Variants in COL5A1 observed in about 807,000 individuals in gnomAD.
COL5A1 encodes the protein collagen type V alpha 1 chain.
COL5A1 carries 16 observed loss-of-function variants against 263.7 expected under a neutral mutation model. That is an observed-to-expected ratio of 0.06 (90% CI 0.04 to 0.09). The LOEUF (loss-of-function observed/expected upper bound fraction) is 0.09, where lower values mean the gene tolerates loss of function less well. COL5A1 is among the 10% of genes least tolerant of loss of function. The pLI, the probability that COL5A1 is intolerant of heterozygous loss-of-function variation, is 1.00. For synonymous variants in COL5A1, 1,012 were observed against 1,004.5 expected (o/e 1.01, Z -0.14); for missense variants, 2,036 against 2,540.5 (o/e 0.80, Z 4.27).
At chr9:134,831,603 C>T (rs1247528997) in intron 64 of COL5A1, among the ~76,000 whole-genome samples, 2 of 152,172 alleles carry the variant, frequency 1.3e-5, no homozygotes, top group Admixed American at 1.3e-4. Flanking sequence ...CTGCTGGGGG[C>T]CGAGGTGGCA....
At chr9:134,802,432 C>G (rs1308466430) in intron 38 of COL5A1, among the ~76,000 whole-genome samples, 1 of 152,200 alleles carries the variant, frequency 6.6e-6, no homozygotes, top group African/African-American at 2.4e-5. Context: ...TGGCTTAGAG[C>G]TGCAGAACGG....
chr9:134,776,970 T>C (rs540471767), intron 27 of COL5A1, among the ~76,000 whole-genome samples: 2 of 152,260 alleles, frequency 1.3e-5, no homozygotes, highest in African/African-American at 4.8e-5. Context: ...TGTGACCCAG[T>C]CAGTCACCTC....
chr9:134,655,611 T>G lies in COL5A1; in HGVS notation c.109+13315T>G, dbSNP rs147252297. Among the ~76,000 whole-genome samples, 693 of 152,244 alleles carry G rather than the reference T, an allele frequency of 4.6e-3. 5 individuals carry two copies. Among genetic ancestry groups the G allele is most frequent in the African/African-American group, 0.016 (646 of 41,508 alleles). Reference sequence around the variant, plus strand: ...AGCTGGCTATGGTCATTACTATTACTGTGTGTCCCAGGCATGCCATTGGTT... The same window carrying G: ...AGCTGGCTATGGTCATTACTATTACGGTGTGTCCCAGGCATGCCATTGGTT... On this transcript the variant is annotated intron_variant, in intron 1 of 65. Coordinates refer to ENST00000371817, the MANE Select transcript of COL5A1 (RefSeq NM_000093.5).
intron 31 of COL5A1, among the ~76,000 whole-genome samples, chr9:134,787,024 G>A (rs1311174155): frequency 1.3e-5 from 2 of 152,234 alleles, no homozygotes; most frequent in Non-Finnish European, 2.9e-5. Flanking sequence ...TGCAGGAGAG[G>A]TAGCTTGCTG....
chr9:134,814,158 C>T lies in COL5A1; in HGVS notation c.3906+122C>T, dbSNP rs1838649768. 4 of 936,978 alleles carry T rather than the reference C, an allele frequency of 4.3e-6. No individual in the cohort carries two copies. The African/African-American group carries it at 6.6e-5, about 15-fold the overall frequency. The allele number at this position is 936,978 out of a possible 1,614,324, so 58.0% of individuals were successfully genotyped here. A position where few individuals can be genotyped will look rare whatever the true frequency, so the allele number is the denominator to read the frequency against. ...CATCCACGAAATGGGAGTTGTAACC[C>T]CTCTTGTGCCCATTTCATGGAATGA... On this transcript the variant is annotated intron_variant, in intron 49 of 65. Transcript: ENST00000371817.
chr9:134,819,000 G>T lies in COL5A1; in HGVS notation c.4393G>T (p.Gly1465Cys). ...CTGATCCCCCTGCCTCCTCCCACAG[G>T]GTCCCCCAGGACTTCCCGGCCTCAA... is the stretch of plus-strand genomic sequence containing the variant. ...PGPDGPPGPMGPPGLPGLKGD... is the reference protein window; with the variant it reads ...PGPDGPPGPMCPPGLPGLKGD... Residue 1465 changes from glycine to cysteine, a missense_variant and splice_region_variant, in exon 57 of 66, where the codon GGT becomes TGT. Physicochemically the swap from Gly to Cys is radical, Grantham distance 159. Around this residue, in one of 3 missense-constraint regions of COL5A1, gnomAD observed 1,078 missense variants for 1,521.4 expected, o/e 0.71. Transcript: ENST00000371817. The surrounding 1 kb of genome is among the most constrained non-coding windows in gnomAD (Gnocchi z 6.0). The T allele has an allele frequency of 6.2e-7, 1 of 1,613,404 alleles. No individual in the cohort carries two copies. Among genetic ancestry groups the T allele is most frequent in the Non-Finnish European group, 8.5e-7 (1 of 1,180,008 alleles).
chr9:134,810,342 C>T (rs1402944848), intron 44 of COL5A1, 34 bp downstream of exon 44: 3 of 1,609,172 alleles, frequency 1.9e-6, no homozygotes, highest in Admixed American at 3.3e-5. Context: ...CGGCAGCCCC[C>T]AGGTCCCGGG....
At chr9:134,706,538 G>A (rs1833844267) in intron 4 of COL5A1, among the ~76,000 whole-genome samples, 1 of 152,218 alleles carries the variant, frequency 6.6e-6, no homozygotes, top group South Asian at 2.1e-4. Context: ...TGCCCTGGAA[G>A]AAGAGAGTCT....
intron 27 of COL5A1, among the ~76,000 whole-genome samples, chr9:134,776,968 A>C (rs1026907232): frequency 6.6e-6 from 1 of 152,182 alleles, no homozygotes; most frequent in African/African-American, 2.4e-5. Flanking sequence ...CCTGTGACCC[A>C]GTCAGTCACC....
chr9:134,648,928 C>T (rs913759139), intron 1 of COL5A1, among the ~76,000 whole-genome samples: 2 of 152,206 alleles, frequency 1.3e-5, no homozygotes, highest in African/African-American at 4.8e-5. Flanking sequence ...CCTGCCTCCT[C>T]TGGCCACTTG....
chr9:134,798,855 G>A (rs183640282), intron 37 of COL5A1, among the ~76,000 whole-genome samples: 4 of 152,316 alleles, frequency 2.6e-5, no homozygotes, highest in East Asian at 1.9e-4. Flanking sequence ...TGAGGGATAC[G>A]TCTTTTAATT....
At chr9:134,728,636 G>A (rs773646612) in intron 5 of COL5A1, 34 bp from the exon 6 acceptor site, 29 of 1,613,150 alleles carry the variant, frequency 1.8e-5, no homozygotes, top group Non-Finnish European at 2.3e-5. Context: ...TGCGGGCTCC[G>A]CTGCTTCCTC....
chr9:134,654,745 T>C, intron 1 of COL5A1, among the ~76,000 whole-genome samples: 1 of 120,398 alleles, frequency 8.3e-6, no homozygotes, highest in Non-Finnish European at 1.7e-5. Flanking sequence ...GGGGTGTGTG[T>C]AGGGCTGGTG....
At chr9:134,781,954 A>G (rs563924076) in intron 28 of COL5A1, among the ~76,000 whole-genome samples, 132 of 152,306 alleles carry the variant, frequency 8.7e-4, no homozygotes, top group African/African-American at 3.1e-3. Context: ...GTAGCCCCTG[A>G]ATAATGACAG....
At chr9:134,839,844 C>T (rs569330009) in intron 65 of COL5A1, among the ~76,000 whole-genome samples, 29 of 152,378 alleles carry the variant, frequency 1.9e-4, no homozygotes, top group Admixed American at 7.8e-4. Flanking sequence ...TCCCAGCCAC[C>T]GCAGAGCTGC....
chr9:134,660,076 C>T (rs1366039535), intron 1 of COL5A1, among the ~76,000 whole-genome samples: 1 of 152,190 alleles, frequency 6.6e-6, no homozygotes, highest in Non-Finnish European at 1.5e-5. Flanking sequence ...CAAAACCCCT[C>T]CTGGGTCAGG....
chr9:134,819,556 C>G (rs940855604), intron 57 of COL5A1, among the ~76,000 whole-genome samples: 1 of 152,242 alleles, frequency 6.6e-6, no homozygotes, highest in Non-Finnish European at 1.5e-5. Context: ...CCTCTCATTT[C>G]CACTCTGACG....
rs887648283 is a variant in COL5A1 at position 134,757,960 on chromosome 9, C to T, written c.1882-283C>T. ...CACACACACGGGAAACTGCAGCGGT[C>T]GCTGAAATACCGCATGACTAAGGAC... On this transcript the variant is annotated intron_variant, in intron 17 of 65. Transcript: ENST00000371817. The surrounding 1 kb of genome is among the most constrained non-coding windows in gnomAD (Gnocchi z 6.2). Among the ~76,000 whole-genome samples the T allele has an allele frequency of 6.6e-6, 1 of 152,154 alleles. No homozygotes were observed. Among genetic ancestry groups the T allele is most frequent in the African/African-American group, 2.4e-5 (1 of 41,440 alleles).
chr9:134,762,842 A>T (rs2132719745), intron 19 of COL5A1, among the ~76,000 whole-genome samples: 1 of 152,110 alleles, frequency 6.6e-6, no homozygotes, highest in African/African-American at 2.4e-5. Flanking sequence ...ACCCTTCTAG[A>T]TGTCAGTGCT....
Sources: gnomAD v4.1 joint callset for allele counts (sites outside exome capture counted in the v4.1 genomes callset) on GRCh38, gnomAD v4.1.1 for gene constraint, gnomAD v4.1.1 regional missense constraint, Gnocchi (gnomAD v3.1) non-coding constraint, MANE v1.5 for transcripts, NCBI Gene and HGNC (gene_info 2026-07-23, HGNC 2026-07-21) for gene names.